The following DAZAP1 variants were observed in gnomAD, a reference collection of about 807,000 sequenced individuals.
DAZAP1 encodes the protein DAZ-associated protein 1.
DAZAP1 carries 6 observed loss-of-function variants against 60.1 expected under a neutral mutation model. That is an observed-to-expected ratio of 0.10 (90% confidence interval 0.05 to 0.20). DAZAP1 has a LOEUF of 0.20. Ranked by LOEUF, DAZAP1 falls within the 10% of genes least tolerant of loss-of-function variation. The pLI is 1.00. For synonymous variants in DAZAP1, 235 were observed against 215.9 expected, an observed-to-expected ratio of 1.09 and a Z score of -0.78; for missense variants, 366 against 560.4, an observed-to-expected ratio of 0.65 and a Z score of 3.50.
At chr19:1,424,326 T>TC (rs2083247346) in intron 6 of DAZAP1, among the ~76,000 whole-genome samples, 2 of 128,244 alleles carry the variant, frequency 1.6e-5, no homozygotes, top group African/African-American at 6.0e-5. Context: ...TTCCTCCTCC[T>TC]CTTCCCCCTC....
At position 1,407,744 on chromosome 19, in the gene DAZAP1, G is replaced by C. The variant is rs927895244; in HGVS notation, c.-30G>C. On this transcript the variant is annotated 5_prime_UTR_variant, in exon 1 of 12. Transcript: ENST00000233078. ...AGGCGGGAGCGAGCGAGGAGGCCCG[G>C]GAGCGCCGAGCGTCGCCGCCGCCGC... The C allele has an allele frequency of 2.8e-6, 3 of 1,085,010 alleles. No individual in the cohort carries two copies. In the African/African-American group the frequency reaches 5.1e-5, roughly 18 times the overall value. The allele number at this position is 1,085,010 out of a possible 1,614,324, so 67.2% of individuals were successfully genotyped here.
At chr19:1,420,126 G>A (rs1311510062) in intron 4 of DAZAP1, among the ~76,000 whole-genome samples, 1 of 98,562 alleles carries the variant, frequency 1.0e-5, no homozygotes, top group Non-Finnish European at 2.0e-5. Flanking sequence ...AAACCATCCC[G>A]AACGTCACGG....
rs777193322 is a variant in DAZAP1 at position 1,428,642 on chromosome 19, ATTTTT to A, written c.547-198_547-194del. 4.8e-5 allele frequency: 33 copies of A among 692,550 alleles called. No homozygotes were observed. The Middle Eastern group carries it at 1.3e-3, about 26-fold the overall frequency. 42.9% of individuals were successfully genotyped at this position (692,550 alleles called of 1,614,324 possible). A position where few individuals can be genotyped will look rare whatever the true frequency, so the allele number is the denominator to read the frequency against. On this transcript the variant is annotated intron_variant, in intron 7 of 11. Transcript: ENST00000233078. The surrounding 1 kb of genome is among the most constrained non-coding windows in gnomAD (Gnocchi z 4.0). Reference sequence around the variant, plus strand: ...GTTGCATCTGTTGTACCTGAGAAACATTTTTTAAACAAAAAAATTCAACACAAAAG... The same window carrying A: ...GTTGCATCTGTTGTACCTGAGAAACATAAACAAAAAAATTCAACACAAAAG...
Position 1,418,873 on chromosome 19 carries a change from T to A in DAZAP1, c.303+142T>A, listed in dbSNP as rs2083065417. 2 of 784,048 alleles carry A rather than the reference T, an allele frequency of 2.6e-6. No individual in the cohort carries two copies. Among genetic ancestry groups the A allele is most frequent in the Non-Finnish European group, 4.1e-6 (2 of 491,134 alleles). 48.6% of individuals were successfully genotyped at this position (784,048 alleles called of 1,614,324 possible). On this transcript the variant is annotated intron_variant, in intron 4 of 11. Coordinates refer to ENST00000233078, the MANE Select transcript of DAZAP1 (RefSeq NM_018959.4). This position sits in a 1 kb window ranked among gnomAD's most constrained non-coding sequence, Gnocchi z 5.7. ...GGGTTGGCACTCGAGCAGCTGAGGA[T>A]CACCCAGATTTATCAGTGCCGTGAG...
Position 1,430,254 on chromosome 19 carries a change from G to GGGGCCCCCCCCC in DAZAP1, c.763_764insGGGCCCCCCCCC (p.Ala255delinsGlyAlaProProPro). Reference sequence around the variant, plus strand: ...TGGACCGCCCCCTGCAGGAAGAGGAGCCCCCCCGCCACCCCCACCGTTCAC... The same window carrying GGGGCCCCCCCCC: ...TGGACCGCCCCCTGCAGGAAGAGGAGGGGCCCCCCCCCCCCCCCCGCCACCCCCACCGTTCAC... On this transcript the variant is annotated protein_altering_variant, in exon 10 of 12. Coordinates refer to ENST00000233078, the MANE Select transcript of DAZAP1 (RefSeq NM_018959.4). 7.7e-7 allele frequency: 1 copy of GGGGCCCCCCCCC among 1,295,270 alleles called. No individual in the cohort carries two copies. Among genetic ancestry groups the GGGGCCCCCCCCC allele is most frequent in the Non-Finnish European group, 1.1e-6 (1 of 924,078 alleles). The allele number at this position is 1,295,270 out of a possible 1,614,324, so 80.2% of individuals were successfully genotyped here.
chr19:1,411,857 C>G (rs377737418), intron 1 of DAZAP1, among the ~76,000 whole-genome samples: 1 of 152,218 alleles, frequency 6.6e-6, no homozygotes, highest in Non-Finnish European at 1.5e-5. Flanking sequence ...TGGTGCGACC[C>G]GTCAATCTGA....
intron 1 of DAZAP1, among the ~76,000 whole-genome samples, chr19:1,414,399 A>G (rs139812962): frequency 1.9e-3 from 287 of 152,298 alleles, no homozygotes; most frequent in Admixed American, 3.3e-3. Flanking sequence ...TGAGATATCT[A>G]TTGTTTCCCA....
In DAZAP1 at chr19:1,416,129, G is replaced by T. The variant is rs960096577; in HGVS notation, c.30-1371G>T. The T allele has an allele frequency of 2.6e-5, 4 of 152,244 alleles. No homozygotes were observed. Among genetic ancestry groups the T allele is most frequent in the Admixed American group, 1.3e-4 (2 of 15,276 alleles). The allele number at this position is 152,244 out of a possible 1,614,324, so 9.4% of individuals were successfully genotyped here. ...AGGTGATGAGTGTGCCAGCCACCTT[G>T]CAGGGGTCTTTCCTGGCGAGCTGGC... On this transcript the variant is annotated intron_variant, in intron 1 of 11. Coordinates refer to ENST00000233078, the MANE Select transcript of DAZAP1 (RefSeq NM_018959.4). The surrounding 1 kb of genome is among the most constrained non-coding windows in gnomAD (Gnocchi z 4.3).
In DAZAP1 at chr19:1,416,968, T is replaced by A. The variant is rs2083003678; in HGVS notation, c.30-532T>A. Reference sequence around the variant, plus strand: ...GACTGGAGCTTCAGGGCCTTCACCTTCATCTGTGGGCCTCTCGTTAGTTCG... The same window carrying A: ...GACTGGAGCTTCAGGGCCTTCACCTACATCTGTGGGCCTCTCGTTAGTTCG... On this transcript the variant is annotated intron_variant, in intron 1 of 11. Coordinates refer to ENST00000233078, the MANE Select transcript of DAZAP1 (RefSeq NM_018959.4). This position sits in a 1 kb window ranked among gnomAD's most constrained non-coding sequence, Gnocchi z 4.3. The A allele has an allele frequency of 6.1e-6, 1 of 163,334 alleles. No homozygotes were observed. Among genetic ancestry groups the A allele is most frequent in the Non-Finnish European group, 1.3e-5 (1 of 75,324 alleles). 10.1% of individuals were successfully genotyped at this position (163,334 alleles called of 1,614,324 possible). A position where few individuals can be genotyped will look rare whatever the true frequency, so the allele number is the denominator to read the frequency against.
In DAZAP1 at chr19:1,434,988, G is replaced by T. The variant is rs1419359104; in HGVS notation, c.*76G>T. On this transcript the variant is annotated 3_prime_UTR_variant, in exon 12 of 12. Coordinates refer to ENST00000233078, the MANE Select transcript of DAZAP1 (RefSeq NM_018959.4). This position sits in a 1 kb window ranked among gnomAD's most constrained non-coding sequence, Gnocchi z 8.0. Reference sequence around the variant, plus strand: ...TGAACTCGTGACAATCACAAACTTGGCGGCAAAGTGGCGACTCAACCTTGG... The same window carrying T: ...TGAACTCGTGACAATCACAAACTTGTCGGCAAAGTGGCGACTCAACCTTGG... 1.3e-5 allele frequency: 6 copies of T among 476,280 alleles called. No homozygotes were observed. In the East Asian group the frequency reaches 8.9e-4, roughly 71 times the overall value. 29.5% of individuals were successfully genotyped at this position (476,280 alleles called of 1,614,324 possible).
Position 1,434,172 on chromosome 19 carries a change from C to T in DAZAP1, c.1049-565C>T. ...TCGGCTGTGTGGGCCGGACGGGCTG[C>T]AGGGTGTGCTGGCCCCTCAGCCAGT... On this transcript the variant is annotated intron_variant, in intron 11 of 11. Coordinates refer to ENST00000233078, the MANE Select transcript of DAZAP1 (RefSeq NM_018959.4). This position sits in a 1 kb window ranked among gnomAD's most constrained non-coding sequence, Gnocchi z 8.0. The T allele has an allele frequency of 7.1e-6, 2 of 283,410 alleles. No individual in the cohort carries two copies. Among genetic ancestry groups the T allele is most frequent in the South Asian group, 9.5e-5 (2 of 21,080 alleles). The allele number at this position is 283,410 out of a possible 1,614,324, so 17.6% of individuals were successfully genotyped here.
Position 1,434,459 on chromosome 19 carries a change from C to T in DAZAP1, c.1049-278C>T, listed in dbSNP as rs1010817160. ...CCCCTCACCCCCCCAACCACGTCTT[C>T]GGGATTGAACAGGGAAGCGGTGAGG... On this transcript the variant is annotated intron_variant, in intron 11 of 11. Transcript: ENST00000233078. The surrounding 1 kb of genome is among the most constrained non-coding windows in gnomAD (Gnocchi z 8.0). The T allele has an allele frequency of 7.0e-5, 27 of 387,886 alleles. No individual in the cohort carries two copies. Among genetic ancestry groups the T allele is most frequent in the Middle Eastern group, 7.0e-4 (1 of 1,436 alleles). The allele number at this position is 387,886 out of a possible 1,614,324, so 24.0% of individuals were successfully genotyped here.
rs1488539366 is a variant in DAZAP1, at chr19:1,419,813, C to CA, written c.303+1083dup. On this transcript the variant is annotated intron_variant, in intron 4 of 11. Coordinates refer to ENST00000233078, the MANE Select transcript of DAZAP1 (RefSeq NM_018959.4). Reference sequence around the variant, plus strand: ...ACACTCATGAAACCATCCCAACCGTCACGGCAGCGAGCACTCACCCCACGC... The same window carrying CA: ...ACACTCATGAAACCATCCCAACCGTCAACGGCAGCGAGCACTCACCCCACGC... Among the ~76,000 whole-genome samples, 9 of 149,198 alleles carry CA rather than the reference C, an allele frequency of 6.0e-5. No individual in the cohort carries two copies. The South Asian group carries it at 1.1e-3, about 18-fold the overall frequency.
In DAZAP1 at chr19:1,418,695, G is replaced by T. The variant is rs776528245; in HGVS notation, c.267G>T (p.Gly89=). Residue 89 remains glycine (G), a synonymous_variant, in exon 4 of 12, where the codon GGG becomes GGT. Coordinates refer to ENST00000233078, the MANE Select transcript of DAZAP1 (RefSeq NM_018959.4). The surrounding 1 kb of genome is among the most constrained non-coding windows in gnomAD (Gnocchi z 5.7). ...NIDPKPCTPR[G]MQPERTRPKE... ...ACCCCAAGCCATGCACACCCCGGGG[G>T]ATGCAGCCGGAGAGAACACGGCCGA... The T allele has an allele frequency of 8.7e-6, 14 of 1,613,820 alleles. No individual in the cohort carries two copies. The South Asian group carries it at 1.4e-4, about 16-fold the overall frequency.
rs1292117641 is a variant in DAZAP1, at chr19:1,428,280, G to C, written c.547-562G>C. 6.6e-6 allele frequency: 1 copy of C among 152,338 alleles called. No individual in the cohort carries two copies. The highest frequency in any genetic ancestry group is 6.5e-5 in the Admixed American group (1 of 15,296). 9.4% of individuals were successfully genotyped at this position (152,338 alleles called of 1,614,324 possible). ...ATCACATCCATTCCCTCTGACATTAGTTTTGAGTTAATTGAGATTCTTTAA... is the reference window on the plus strand; with the variant it reads ...ATCACATCCATTCCCTCTGACATTACTTTTGAGTTAATTGAGATTCTTTAA... On this transcript the variant is annotated intron_variant, in intron 7 of 11. Coordinates refer to ENST00000233078, the MANE Select transcript of DAZAP1 (RefSeq NM_018959.4). The surrounding 1 kb of genome is among the most constrained non-coding windows in gnomAD (Gnocchi z 4.0).
intron 1 of DAZAP1, among the ~76,000 whole-genome samples, chr19:1,414,945 C>G (rs1158501763): frequency 6.6e-6 from 1 of 151,780 alleles, no homozygotes; most frequent in Non-Finnish European, 1.5e-5. Flanking sequence ...CTCAGCCTCC[C>G]AAGTAGCTGG....
Position 1,433,840 on chromosome 19 carries a change from T to C in DAZAP1, c.1049-897T>C. ...TGATGTGGCCTAGGTAGGTGCCGCCTCCTTCTCCAGGGTCCTCCCACCCGC... is the reference window on the plus strand; with the variant it reads ...TGATGTGGCCTAGGTAGGTGCCGCCCCCTTCTCCAGGGTCCTCCCACCCGC... On this transcript the variant is annotated intron_variant, in intron 11 of 11. Coordinates refer to ENST00000233078, the MANE Select transcript of DAZAP1 (RefSeq NM_018959.4). This position sits in a 1 kb window ranked among gnomAD's most constrained non-coding sequence, Gnocchi z 6.1. 1 of 1,612,110 alleles carries C rather than the reference T, an allele frequency of 6.2e-7. No individual in the cohort carries two copies. Among genetic ancestry groups the C allele is most frequent in the Non-Finnish European group, 8.5e-7 (1 of 1,178,448 alleles).
intron 1 of DAZAP1, among the ~76,000 whole-genome samples, chr19:1,413,119 C>T (rs1032686146): frequency 3.3e-5 from 5 of 152,332 alleles, no homozygotes; most frequent in South Asian, 2.1e-4. Context: ...TGCCTTGCCC[C>T]GTTAACGTCC....
rs2083296001 is a variant in DAZAP1 at position 1,426,027 on chromosome 19, T to C, written c.546+67T>C. 3.5e-6 allele frequency: 4 copies of C among 1,139,330 alleles called. No individual in the cohort carries two copies. The highest frequency in any genetic ancestry group is 3.1e-5 in the African/African-American group (2 of 65,436). The allele number at this position is 1,139,330 out of a possible 1,614,324, so 70.6% of individuals were successfully genotyped here. On this transcript the variant is annotated intron_variant, in intron 7 of 11. Coordinates refer to ENST00000233078, the MANE Select transcript of DAZAP1 (RefSeq NM_018959.4). The surrounding 1 kb of genome is among the most constrained non-coding windows in gnomAD (Gnocchi z 5.4). The stretch of plus-strand genomic sequence containing the variant: ...GTCTTAGGCAACTTAGGGGTTTCAC[T>C]GGAAAGGAACATTCCTTCACGGAAA...
Sources: gnomAD v4.1 joint callset for allele counts (sites outside exome capture counted in the v4.1 genomes callset) on GRCh38, gnomAD v4.1.1 for gene constraint, Gnocchi (gnomAD v3.1) non-coding constraint, MANE v1.5 for transcripts, NCBI Gene and HGNC (gene_info 2026-07-23, HGNC 2026-07-21) for gene names.